The following MAP4K5 variants were observed in gnomAD, a reference collection of about 807,000 sequenced individuals.
MAP4K5 encodes mitogen-activated protein kinase kinase kinase kinase 5.
A neutral mutation model predicts 135.6 loss-of-function variants in MAP4K5; 82 were observed. The observed-to-expected ratio is 0.60, with a 90% confidence interval of 0.51 to 0.73. The LOEUF (loss-of-function observed/expected upper bound fraction) is 0.73, where lower values mean the gene tolerates loss of function less well. Among genes scored for constraint, MAP4K5 ranks in the 30% least tolerant of loss-of-function variants. The pLI is 0.00. For synonymous variants in MAP4K5, 347 were observed against 335.0 expected, an observed-to-expected ratio of 1.04 and a Z score of -0.39; for missense variants, 907 against 1,010.9, an observed-to-expected ratio of 0.90 and a Z score of 1.39.
chr14:50,521,288 G>A (rs1300653892), intron 2 of MAP4K5, among the ~76,000 whole-genome samples: 1 of 152,218 alleles, frequency 6.6e-6, no homozygotes, highest in African/African-American at 2.4e-5. Context: ...TTTCTCAGTA[G>A]AGGGGTAAGG....
At chr14:50,441,197 G>A (rs1407459226) in intron 21 of MAP4K5, among the ~76,000 whole-genome samples, 1 of 152,146 alleles carries the variant, frequency 6.6e-6, no homozygotes, top group Non-Finnish European at 1.5e-5. Flanking sequence ...CTGAGTGAGT[G>A]AAATTCTGAA....
At chr14:50,445,439 GAAAC>G (rs1287244190) in intron 17 of MAP4K5, among the ~76,000 whole-genome samples, 1 of 152,032 alleles carries the variant, frequency 6.6e-6, no homozygotes. Context: ...AAAACAACTA[GAAAC>G]AATCAAGAAA....
chr14:50,560,755 G>T (rs2038831332), intron 1 of MAP4K5, among the ~76,000 whole-genome samples: 2 of 152,232 alleles, frequency 1.3e-5, no homozygotes. Context: ...CCAACTCGCT[G>T]GCTCTGCAGG....
At chr14:50,526,702 T>C (rs1180368603) in intron 2 of MAP4K5, among the ~76,000 whole-genome samples, 1 of 152,266 alleles carries the variant, frequency 6.6e-6, no homozygotes, top group Non-Finnish European at 1.5e-5. Flanking sequence ...CAAATACTTC[T>C]TTAATGAATG....
At chr14:50,452,023 G>A (rs986033303) in intron 14 of MAP4K5, among the ~76,000 whole-genome samples, 9 of 152,086 alleles carry the variant, frequency 5.9e-5, no homozygotes, top group Non-Finnish European at 1.0e-4. Context: ...AGGGATATAC[G>A]GTATGATACT....
intron 15 of MAP4K5, among the ~76,000 whole-genome samples, chr14:50,448,157 G>A (rs1291960263): frequency 1.3e-5 from 2 of 152,174 alleles, no homozygotes; most frequent in Non-Finnish European, 1.5e-5. Flanking sequence ...TGGGTTTATA[G>A]GCACATGCCA....
intron 6 of MAP4K5, among the ~76,000 whole-genome samples, chr14:50,481,063 T>G (rs557245199): frequency 1.4e-5 from 2 of 145,322 alleles, no homozygotes; most frequent in East Asian, 2.0e-4. Context: ...TTCGACTTTG[T>G]TTTTTTTTTT....
At chr14:50,520,460 C>G (rs2038125648) in intron 2 of MAP4K5, among the ~76,000 whole-genome samples, 1 of 152,134 alleles carries the variant, frequency 6.6e-6, no homozygotes, top group Non-Finnish European at 1.5e-5. Flanking sequence ...GAGATCATGG[C>G]ACTGCATTCC....
intron 15 of MAP4K5, 47 bp from the exon 16 acceptor site, chr14:50,447,528 T>C: frequency 2.9e-6 from 3 of 1,026,862 alleles, no homozygotes; most frequent in Non-Finnish European, 4.3e-6. Flanking sequence ...GTAACAGGTA[T>C]TAACCATTTT....
chr14:50,510,108 G>T (rs749961634), intron 2 of MAP4K5, among the ~76,000 whole-genome samples: 5 of 152,038 alleles, frequency 3.3e-5, no homozygotes, highest in Non-Finnish European at 7.4e-5. Flanking sequence ...AGGCATTTGG[G>T]CAATGCATTC....
intron 6 of MAP4K5, among the ~76,000 whole-genome samples, chr14:50,478,246 C>G (rs1391544044): frequency 6.6e-6 from 1 of 150,590 alleles, no homozygotes; most frequent in Non-Finnish European, 1.5e-5. Flanking sequence ...GTCTTGATAT[C>G]CCATCATTCA....
chr14:50,535,888 A>G (rs753356682), upstream of MAP4K5, among the ~76,000 whole-genome samples: 3 of 152,192 alleles, frequency 2.0e-5, no homozygotes, highest in Non-Finnish European at 2.9e-5. Flanking sequence ...ATGAATCATG[A>G]GGGCAAGTCT....
intron 13 of MAP4K5, among the ~76,000 whole-genome samples, chr14:50,460,881 ATTAC>A (rs1257659569): frequency 6.6e-6 from 1 of 152,192 alleles, no homozygotes; most frequent in Non-Finnish European, 1.5e-5. Flanking sequence ...TGCTGGGCAA[ATTAC>A]TTTCATTTTT....
intron 10 of MAP4K5, among the ~76,000 whole-genome samples, chr14:50,467,184 C>T (rs1231226679): frequency 6.6e-6 from 1 of 151,970 alleles, no homozygotes; most frequent in Non-Finnish European, 1.5e-5. Context: ...TCACGTGTGA[C>T]CCATTTTCTT....
chr14:50,431,512 T>C (rs1445060971), intron 28 of MAP4K5, among the ~76,000 whole-genome samples: 1 of 152,120 alleles, frequency 6.6e-6, no homozygotes, highest in African/African-American at 2.4e-5. Flanking sequence ...GTTTGGTTTT[T>C]TGTTCTTGCG....
intron 3 of MAP4K5, among the ~76,000 whole-genome samples, chr14:50,492,220 G>A (rs1403619099): frequency 6.6e-6 from 1 of 151,924 alleles, no homozygotes; most frequent in Non-Finnish European, 1.5e-5. Flanking sequence ...CATGACACTG[G>A]ATTTGGTAGT....
At chr14:50,461,501 G>A (rs545116032) in intron 13 of MAP4K5, among the ~76,000 whole-genome samples, 1 of 152,226 alleles carries the variant, frequency 6.6e-6, no homozygotes, top group African/African-American at 2.4e-5. Context: ...AAAAGGAGAA[G>A]AAGGAACATA....
chr14:50,437,550 G>A lies in MAP4K5; in HGVS notation c.1824-16C>T, dbSNP rs752986686. 8.4e-6 allele frequency: 13 copies of A among 1,554,232 alleles called. No individual in the cohort carries two copies. The highest frequency in any genetic ancestry group is 3.4e-4 in the Middle Eastern group (2 of 5,960). On this transcript the variant is annotated splice_polypyrimidine_tract_variant and intron_variant, in intron 25 of 32. Coordinates refer to ENST00000682126, the MANE Select transcript of MAP4K5 (RefSeq NM_006575.6). ...AGCGAATTTTCTGAAAACGTAAGAC[G>A]ATATAAATGCACTCTACAGTAGTGG...
In MAP4K5 at chr14:50,554,383, G is replaced by A. The variant is rs113145636; in HGVS notation, c.-180+6657C>T. 5.3e-5 allele frequency among the ~76,000 whole-genome samples: 8 copies of A among 152,236 alleles called. 1 individual carries two copies. The highest frequency in any genetic ancestry group is 4.1e-4 in the South Asian group (2 of 4,822). ...TGTATACTGTAGATGTGGCTTGTAC[G>A]CACAAGCCATGGCTATACTTTATAG... On this transcript the variant is annotated intron_variant, in intron 1 of 8. Transcript: ENST00000555216.
Sources: gnomAD v4.1 joint callset for allele counts (sites outside exome capture counted in the v4.1 genomes callset) on GRCh38, gnomAD v4.1.1 for gene constraint, MANE v1.5 for transcripts, NCBI Gene and HGNC (gene_info 2026-07-23, HGNC 2026-07-21) for gene names.